CASK: variants seen among roughly 807,000 people sequenced by gnomAD.
The protein encoded by CASK is calcium/calmodulin dependent serine protein kinase.
In CASK, 4 loss-of-function variants were observed where a neutral mutation model predicts 82.9. That is an observed-to-expected ratio of 0.05 (90% confidence interval 0.02 to 0.11). The LOEUF (loss-of-function observed/expected upper bound fraction) is 0.11, where lower values mean the gene tolerates loss of function less well. Ranked by LOEUF, CASK falls within the 10% of genes least tolerant of loss-of-function variation. The pLI is 1.00. For synonymous variants in CASK, 259 were observed against 253.5 expected, an observed-to-expected ratio of 1.02 and a Z score of -0.20; for missense variants, 358 against 720.9, an observed-to-expected ratio of 0.50 and a Z score of 5.76.
chrX:41,728,778 A>G (rs779995773), intron 5 of CASK: 27 of 123,752 alleles, frequency 2.2e-4, no homozygotes, highest in African/African-American at 8.7e-4. Flanking sequence ...AAGTAAAAAA[A>G]TAAATAAGAA....
chrX:41,768,347 GCTCT>G lies in CASK; in HGVS notation c.278+18827_278+18830del, dbSNP rs752620386. 3.3e-4 allele frequency among the ~76,000 whole-genome samples: 37 copies of G among 111,646 alleles called. No homozygotes were observed. The East Asian group carries it at 0.01, about 31-fold the overall frequency. ...AAATCTAGGTGTGGGTATGCTTTAG[GCTCT>G]CTAAGTGGACAGAGCTAGGAATGTA... On this transcript the variant is annotated intron_variant, in intron 3 of 26. Transcript: ENST00000378163.
chrX:41,654,832 AG>A lies in CASK; in HGVS notation c.831+5606del, dbSNP rs755128537. On this transcript the variant is annotated intron_variant, in intron 8 of 26. Transcript: ENST00000378163. ...CAAACAGGTTTGCTGTATTCACCCC[AG>A]TTTGGAGAAATTGAAAAAGTCAGAA... Among the ~76,000 whole-genome samples the A allele has an allele frequency of 6.7e-3, 743 of 111,573 alleles. 12 individuals are homozygous for A. The highest frequency in any genetic ancestry group is 0.023 in the African/African-American group (710 of 30,672).
chrX:41,612,633 C>T (rs2066098109), intron 11 of CASK, among the ~76,000 whole-genome samples: 2 of 95,499 alleles, frequency 2.1e-5, no homozygotes, highest in African/African-American at 7.8e-5. Flanking sequence ...CCCGGCCAGC[C>T]GCCCCGTCCG....
chrX:41,643,142 T>C (rs2066690800), intron 8 of CASK, among the ~76,000 whole-genome samples: 1 of 111,922 alleles, frequency 8.9e-6, no homozygotes, highest in African/African-American at 3.3e-5. Flanking sequence ...GCTGTTTTGG[T>C]ACCAGTACCA....
intron 5 of CASK, chrX:41,676,059 G>C: frequency 8.3e-7 from 1 of 1,201,872 alleles, no homozygotes; most frequent in Non-Finnish European, 1.1e-6. Flanking sequence ...TATGCTTGTT[G>C]TGACTGATCC....
intron 10 of CASK, chrX:41,624,115 CACAGTATG>C (rs2147327124): frequency 7.2e-6 from 2 of 276,720 alleles, no homozygotes; most frequent in Admixed American, 4.1e-5. Context: ...ATCATACAGC[CACAGTATG>C]ACAATACAAA....
chrX:41,600,268 A>AATT (rs1291848722), intron 12 of CASK, among the ~76,000 whole-genome samples: 1 of 112,393 alleles, frequency 8.9e-6, no homozygotes, highest in Non-Finnish European at 1.9e-5. Context: ...TTTAAAGAGA[A>AATT]TAGCACAAAG....
At chrX:41,693,471 G>A (rs182155054) in intron 5 of CASK, among the ~76,000 whole-genome samples, 4,275 of 110,004 alleles carry the variant, frequency 0.039, 106 homozygotes, top group Non-Finnish European at 0.058. Context: ...AAAATTAGCC[G>A]GGCATGGTGG....
At chrX:41,530,953 G>A in intron 25 of CASK, 54 bp downstream of exon 25, 1 of 1,036,553 alleles carries the variant, frequency 9.6e-7, no homozygotes. Flanking sequence ...TTCAGAATCT[G>A]TGCTTATTGG....
chrX:41,831,815 G>C (rs977457269), intron 2 of CASK, among the ~76,000 whole-genome samples: 1 of 110,633 alleles, frequency 9.0e-6, no homozygotes, highest in African/African-American at 3.3e-5. Flanking sequence ...AAAAAAATTA[G>C]CTGGGCATTG....
chrX:41,750,217 T>G (rs950830852), intron 3 of CASK, among the ~76,000 whole-genome samples: 12 of 112,475 alleles, frequency 1.1e-4, no homozygotes, highest in Non-Finnish European at 1.7e-4. Context: ...AAATAAAAAC[T>G]AAAAATACTG....
chrX:41,842,865 T>C (rs2147950592), intron 2 of CASK, among the ~76,000 whole-genome samples: 1 of 112,070 alleles, frequency 8.9e-6, no homozygotes, highest in East Asian at 2.8e-4. Flanking sequence ...TAGTTTTCCA[T>C]TTATTAGCCT....
At chrX:41,783,556 A>AAAC (rs1382841692) in intron 3 of CASK, among the ~76,000 whole-genome samples, 1 of 110,829 alleles carries the variant, frequency 9.0e-6, no homozygotes, top group African/African-American at 3.3e-5. Flanking sequence ...CTCAAAAAAA[A>AAAC]AAAAAAAACA....
At chrX:41,716,929 GTTC>G (rs1356147321) in intron 5 of CASK, among the ~76,000 whole-genome samples, 10 of 111,211 alleles carry the variant, frequency 9.0e-5, no homozygotes, top group Non-Finnish European at 7.5e-5. Context: ...CAACTTCCTT[GTTC>G]TTCATGTCTC....
chrX:41,755,245 A>G (rs766423894), intron 3 of CASK, among the ~76,000 whole-genome samples: 2 of 111,878 alleles, frequency 1.8e-5, no homozygotes, highest in Non-Finnish European at 3.8e-5. Context: ...ATAGTTTCCA[A>G]CTCACTTTAT....
At chrX:41,572,407 T>C (rs760634645) in intron 15 of CASK, among the ~76,000 whole-genome samples, 9 of 111,981 alleles carry the variant, frequency 8.0e-5, no homozygotes, top group African/African-American at 2.6e-4. Context: ...TTCTTTGTAT[T>C]ATTTTTTATT....
intron 1 of CASK, among the ~76,000 whole-genome samples, chrX:41,878,335 T>C (rs2071873019): frequency 9.0e-6 from 1 of 111,440 alleles, no homozygotes; most frequent in Non-Finnish European, 1.9e-5. Flanking sequence ...TGTCCTTGGC[T>C]TCAAGGATCA....
chrX:41,651,264 A>G (rs1165618707), intron 8 of CASK, among the ~76,000 whole-genome samples: 1 of 112,328 alleles, frequency 8.9e-6, no homozygotes, highest in East Asian at 2.8e-4. Context: ...CATTTAAACC[A>G]GCTTTGAATG....
chrX:41,592,903 C>T (rs2065767801), intron 12 of CASK, among the ~76,000 whole-genome samples: 1 of 112,025 alleles, frequency 8.9e-6, no homozygotes, highest in African/African-American at 3.2e-5. Flanking sequence ...AACCGCTGTT[C>T]TATCCATACA....
Sources: allele counts gnomAD v4.1 joint callset (sites outside exome capture counted in the v4.1 genomes callset), GRCh38; gene constraint gnomAD v4.1.1; transcripts MANE v1.5; gene names NCBI Gene and HGNC (gene_info 2026-07-23, HGNC 2026-07-21).